The following CTNND2 variants were observed in gnomAD, a reference collection of about 807,000 sequenced individuals.
CTNND2 encodes the protein catenin delta 2.
A neutral mutation model predicts 144.4 loss-of-function variants in CTNND2; 22 were observed. That is an observed-to-expected ratio of 0.15 (90% CI 0.11 to 0.22). The LOEUF (loss-of-function observed/expected upper bound fraction) is 0.22. Among genes scored for constraint, CTNND2 ranks in the 10% least tolerant of loss-of-function variants. The pLI, the probability that CTNND2 is intolerant of heterozygous loss-of-function variation, is 1.00. For synonymous variants in CTNND2, 751 were observed against 695.6 expected (o/e 1.08, Z -1.25); for missense variants, 1,353 against 1,618.8 (o/e 0.84, Z 2.82).
chr5:11,846,307 A>G (rs958223919), intron 1 of CTNND2, among the ~76,000 whole-genome samples: 5 of 152,128 alleles, frequency 3.3e-5, no homozygotes, highest in Non-Finnish European at 5.9e-5. Context: ...ATTTCAACAA[A>G]CTATCAATCT....
intron 11 of CTNND2, among the ~76,000 whole-genome samples, chr5:11,175,834 C>T (rs1274585146): frequency 6.6e-6 from 1 of 152,110 alleles, no homozygotes; most frequent in Non-Finnish European, 1.5e-5. Flanking sequence ...AAAGATCACC[C>T]TCTTGACACT....
chr5:11,753,806 T>C (rs1177669711), intron 1 of CTNND2, among the ~76,000 whole-genome samples: 1 of 151,768 alleles, frequency 6.6e-6, no homozygotes, highest in African/African-American at 2.4e-5. Flanking sequence ...GTACTCAGCT[T>C]TTTCTGGTTC....
chr5:11,857,205 T>A (rs4481347), intron 1 of CTNND2, among the ~76,000 whole-genome samples: 144,325 of 152,268 alleles, frequency 0.95, 68,530 homozygotes, highest in South Asian at 0.99. Context: ...CAATACAAGA[T>A]GAGATAGAGG....
At chr5:11,688,837 C>T (rs1784772982) in intron 2 of CTNND2, among the ~76,000 whole-genome samples, 1 of 152,120 alleles carries the variant, frequency 6.6e-6, no homozygotes, top group African/African-American at 2.4e-5. Context: ...AGGGAGAAAA[C>T]AGACTGAGAT....
intron 1 of CTNND2, among the ~76,000 whole-genome samples, chr5:11,883,385 C>T (rs10434647): frequency 0.22 from 32,692 of 151,992 alleles, 3,951 homozygotes; most frequent in Non-Finnish European, 0.27. Context: ...CTTGTGTCCA[C>T]GTGTTCTCCT....
At chr5:11,814,591 G>A (rs1477978610) in intron 1 of CTNND2, among the ~76,000 whole-genome samples, 2 of 152,232 alleles carry the variant, frequency 1.3e-5, no homozygotes, top group Non-Finnish European at 2.9e-5. Flanking sequence ...CAGCTGCAAA[G>A]GGAAAGCCAG....
chr5:11,767,225 A>G (rs1439253009), intron 1 of CTNND2, among the ~76,000 whole-genome samples: 1 of 152,214 alleles, frequency 6.6e-6, no homozygotes, highest in Non-Finnish European at 1.5e-5. Flanking sequence ...GTAATGTGCA[A>G]CCTATGCAGC....
chr5:11,281,601 T>C (rs1187626912), intron 9 of CTNND2, among the ~76,000 whole-genome samples: 1 of 152,208 alleles, frequency 6.6e-6, no homozygotes, highest in African/African-American at 2.4e-5. Flanking sequence ...ACAACATAGA[T>C]TTGTTTCCTC....
At chr5:11,736,147 C>G (rs944460406) in intron 1 of CTNND2, among the ~76,000 whole-genome samples, 1 of 152,148 alleles carries the variant, frequency 6.6e-6, no homozygotes, top group Admixed American at 6.5e-5. Context: ...TTCCTATAAC[C>G]TGTACTGCCT....
At chr5:11,348,737 T>C (rs1383284504) in intron 8 of CTNND2, among the ~76,000 whole-genome samples, 1 of 151,784 alleles carries the variant, frequency 6.6e-6, no homozygotes, top group Non-Finnish European at 1.5e-5. Context: ...CAAAGGACCA[T>C]GAATTAAAAG....
chr5:11,859,395 T>C (rs762690492), intron 1 of CTNND2, among the ~76,000 whole-genome samples: 1 of 152,114 alleles, frequency 6.6e-6, no homozygotes, highest in Non-Finnish European at 1.5e-5. Flanking sequence ...ACAACGAAAA[T>C]AGAAATTAAA....
intron 13 of CTNND2, among the ~76,000 whole-genome samples, chr5:11,111,606 T>C (rs1210573554): frequency 6.6e-6 from 1 of 152,188 alleles, no homozygotes; most frequent in East Asian, 1.9e-4. Context: ...CTGACACTCA[T>C]GTTTTCTTAG....
At chr5:11,129,326 T>C (rs189770733) in intron 12 of CTNND2, among the ~76,000 whole-genome samples, 1,153 of 107,524 alleles carry the variant, frequency 0.011, 23 homozygotes, top group Non-Finnish European at 0.015. Context: ...ATATATAATA[T>C]ATATATATGC....
chr5:11,791,754 A>G (rs1351025169), intron 1 of CTNND2, among the ~76,000 whole-genome samples: 2 of 152,214 alleles, frequency 1.3e-5, no homozygotes, highest in African/African-American at 4.8e-5. Flanking sequence ...CATTTATCCT[A>G]TTAATTCATT....
At chr5:11,195,594 C>T (rs4702792) in intron 11 of CTNND2, among the ~76,000 whole-genome samples, 5,078 of 152,270 alleles carry the variant, frequency 0.033, 135 homozygotes, top group South Asian at 0.054. Context: ...TCTGGATATG[C>T]GAAGCATCAG....
chr5:11,609,139 T>C (rs1780199732), intron 2 of CTNND2, among the ~76,000 whole-genome samples: 1 of 152,158 alleles, frequency 6.6e-6, no homozygotes, highest in Non-Finnish European at 1.5e-5. Context: ...ATAGTTTTTT[T>C]CTCCGTGTAT....
intron 10 of CTNND2, among the ~76,000 whole-genome samples, chr5:11,218,235 C>T (rs140131155): frequency 2.8e-4 from 42 of 152,024 alleles, no homozygotes; most frequent in Non-Finnish European, 5.1e-4. Flanking sequence ...AATATTTTTT[C>T]GTCAGTTGAC....
intron 3 of CTNND2, among the ~76,000 whole-genome samples, chr5:11,494,307 C>T (rs139420147): frequency 2.4e-3 from 358 of 152,084 alleles, no homozygotes; most frequent in African/African-American, 8.5e-3. Flanking sequence ...TCTCACATGG[C>T]CAAAGAGAAG....
chr5:11,089,689 C>T (rs1485180661), intron 15 of CTNND2, among the ~76,000 whole-genome samples: 2 of 152,214 alleles, frequency 1.3e-5, no homozygotes, highest in African/African-American at 4.8e-5. Flanking sequence ...ATTCTAACCA[C>T]TTCCACAAAA....
Sources: gnomAD v4.1 joint callset for allele counts (sites outside exome capture counted in the v4.1 genomes callset) on GRCh38, gnomAD v4.1.1 for gene constraint, MANE v1.5 for transcripts, NCBI Gene and HGNC (gene_info 2026-07-23, HGNC 2026-07-21) for gene names.